The following SNAP91 variants were observed in gnomAD, a reference collection of about 807,000 sequenced individuals.
SNAP91 encodes the protein synaptosome associated protein 91, also known as clathrin coat assembly protein AP180.
A neutral mutation model predicts 100.3 loss-of-function variants in SNAP91; 27 were observed. The ratio of observed to expected loss-of-function variants is 0.27; its 90% CI spans 0.20 to 0.37. SNAP91 has a LOEUF of 0.37. SNAP91 is among the 10% of genes least tolerant of loss of function. SNAP91 has a pLI of 1.00. For synonymous variants in SNAP91, 404 were observed against 398.6 expected (o/e 1.01, Z -0.16); for missense variants, 986 against 1,123.7 (o/e 0.88, Z 1.75).
chr6:83,656,656 T>C (rs972493047), intron 7 of SNAP91, 98 bp downstream of exon 7: 91 of 490,056 alleles, frequency 1.9e-4, no homozygotes, highest in Non-Finnish European at 5.4e-5. Flanking sequence ...TTCCACACAA[T>C]ATTGCCCACC....
At chr6:83,637,081 T>G (rs2097486426) in intron 8 of SNAP91, among the ~76,000 whole-genome samples, 1 of 152,166 alleles carries the variant, frequency 6.6e-6, no homozygotes, top group Non-Finnish European at 1.5e-5. Context: ...CCAGCAGATA[T>G]ACTCTTACTC....
intron 2 of SNAP91, among the ~76,000 whole-genome samples, chr6:83,706,769 C>G (rs2099388161): frequency 6.6e-6 from 1 of 152,216 alleles, no homozygotes; most frequent in Admixed American, 6.5e-5. Flanking sequence ...CTGTGTCTCT[C>G]ATGCCAACAT....
chr6:83,634,368 G>A (rs376306109), intron 8 of SNAP91, among the ~76,000 whole-genome samples: 67 of 148,112 alleles, frequency 4.5e-4, no homozygotes, highest in African/African-American at 1.7e-3. Context: ...TCCCCAGTGC[G>A]GGGTGTGTGT....
chr6:83,614,944 T>C, intron 10 of SNAP91, 82 bp from the exon 11 acceptor site: 5 of 1,137,746 alleles, frequency 4.4e-6, no homozygotes. Flanking sequence ...AAATAGGGAA[T>C]AAGCAAAAGA....
chr6:83,597,575 C>T (rs897878707), intron 16 of SNAP91, among the ~76,000 whole-genome samples: 1 of 152,116 alleles, frequency 6.6e-6, no homozygotes, highest in Non-Finnish European at 1.5e-5. Context: ...GGCCTTAATC[C>T]ATAAACTGAG....
intron 7 of SNAP91, among the ~76,000 whole-genome samples, chr6:83,653,478 G>C (rs2098284505): frequency 6.6e-6 from 1 of 151,908 alleles, no homozygotes; most frequent in African/African-American, 2.4e-5. Flanking sequence ...TCTTTTTTAG[G>C]ATTTCCATCT....
chr6:83,564,076 A>C (rs1176431904), intron 26 of SNAP91, among the ~76,000 whole-genome samples: 1 of 152,142 alleles, frequency 6.6e-6, no homozygotes, highest in Non-Finnish European at 1.5e-5. Flanking sequence ...AATTTGGGGG[A>C]ATCACACTTC....
intron 2 of SNAP91, among the ~76,000 whole-genome samples, chr6:83,695,534 C>T (rs904564975): frequency 1.3e-5 from 2 of 152,042 alleles, no homozygotes; most frequent in Non-Finnish European, 2.9e-5. Context: ...GGAAACAAAA[C>T]ATTTTTCCAA....
Position 83,644,422 on chromosome 6 carries a change from G to A in SNAP91, c.659-3220C>T, listed in dbSNP as rs547970227. Among the ~76,000 whole-genome samples the A allele has an allele frequency of 3.3e-5, 5 of 152,154 alleles. No homozygotes were observed. The South Asian group carries it at 1.0e-3, about 32-fold the overall frequency. On this transcript the variant is annotated intron_variant, in intron 7 of 29. Coordinates refer to ENST00000369694, the MANE Select transcript of SNAP91 (RefSeq NM_001242792.2). ...ACTCCCCTGTCCAGACCAGTGCAGG[G>A]CCTAAAAAAACTGGCACTTTTAAAG...
chr6:83,611,009 A>G (rs3823046), intron 11 of SNAP91, among the ~76,000 whole-genome samples: 4,316 of 151,982 alleles, frequency 0.028, 75 homozygotes, highest in East Asian at 0.057. Context: ...CTATGTCCAT[A>G]AAAAACAAAC....
chr6:83,647,049 C>G (rs1414608081), intron 7 of SNAP91, among the ~76,000 whole-genome samples: 1 of 149,264 alleles, frequency 6.7e-6, no homozygotes, highest in Non-Finnish European at 1.5e-5. Context: ...TTCTTGCAAC[C>G]TTGCTATAAT....
intron 28 of SNAP91, among the ~76,000 whole-genome samples, chr6:83,558,872 C>T (rs1782842932): frequency 6.6e-6 from 1 of 152,116 alleles, no homozygotes; most frequent in South Asian, 2.1e-4. Flanking sequence ...TGTAACATCA[C>T]CTTGGCCAGA....
At chr6:83,629,043 A>T (rs1475440586) in intron 8 of SNAP91, among the ~76,000 whole-genome samples, 1 of 152,166 alleles carries the variant, frequency 6.6e-6, no homozygotes, top group Non-Finnish European at 1.5e-5. Flanking sequence ...TTTTTGAATA[A>T]GGTGAGAGGT....
intron 5 of SNAP91, among the ~76,000 whole-genome samples, chr6:83,659,557 T>C (rs1001287404): frequency 4.6e-5 from 7 of 151,730 alleles, no homozygotes; most frequent in Admixed American, 3.9e-4. Context: ...CATGAGTAGC[T>C]GGAACTACAG....
rs150602059 is a variant in SNAP91, at chr6:83,571,775, G to C, written c.2442+3235C>G. Among the ~76,000 whole-genome samples the C allele has an allele frequency of 6.0e-3, 912 of 152,244 alleles. 6 individuals are homozygous for C. The highest frequency in any genetic ancestry group is 0.021 in the African/African-American group (878 of 41,540). ...ATGTGAAGATATGAGATTTGGGAGG[G>C]GCCGGGAGCAGAATGATATGGTTTG... On this transcript the variant is annotated intron_variant, in intron 26 of 29. Transcript: ENST00000369694.
upstream of SNAP91, chr6:83,709,265 C>G (rs1366225089): frequency 2.0e-5 from 3 of 152,258 alleles, no homozygotes; most frequent in Non-Finnish European, 4.4e-5. Context: ...GGGGGCGCCT[C>G]GCGCAAGCAT....
intron 2 of SNAP91, among the ~76,000 whole-genome samples, chr6:83,666,236 T>A (rs952094692): frequency 6.6e-6 from 1 of 152,094 alleles, no homozygotes; most frequent in East Asian, 1.9e-4. Context: ...TGAGTCCAGG[T>A]GTATTTTTTA....
chr6:83,609,905 T>C (rs995767819), intron 12 of SNAP91, among the ~76,000 whole-genome samples: 1 of 152,208 alleles, frequency 6.6e-6, no homozygotes, highest in Admixed American at 6.5e-5. Flanking sequence ...ACTGATAACA[T>C]TTGTTTTCTG....
chr6:83,580,391 C>G (rs1487465658), intron 24 of SNAP91, 59 bp downstream of exon 24: 1 of 1,499,008 alleles, frequency 6.7e-7, no homozygotes. Flanking sequence ...GAGAGAGAAA[C>G]AAAAAACAAT....
Sources: gnomAD v4.1 joint callset for allele counts (sites outside exome capture counted in the v4.1 genomes callset) on GRCh38, gnomAD v4.1.1 for gene constraint, MANE v1.5 for transcripts, NCBI Gene and HGNC (gene_info 2026-07-23, HGNC 2026-07-21) for gene names.